Variants in STARD10 observed in about 807,000 individuals in gnomAD.
The protein encoded by STARD10 is START domain-containing protein 10.
A neutral mutation model predicts 36.0 loss-of-function variants in STARD10; 24 were observed. The ratio of observed to expected loss-of-function variants is 0.67; its 90% CI spans 0.48 to 0.94. The LOEUF is 0.94. Ranked by LOEUF, STARD10 falls within the 40% of genes least tolerant of loss-of-function variation. STARD10 has a pLI of 0.00. For missense variants in STARD10, 335 were observed against 396.6 expected (o/e 0.84, Z 1.32); for synonymous variants, 156 against 161.9 (o/e 0.96, Z 0.28).
chr11:72,760,597 C>G (rs1858702483), intron 2 of STARD10, among the ~76,000 whole-genome samples: 1 of 152,170 alleles, frequency 6.6e-6, no homozygotes, highest in African/African-American at 2.4e-5. Flanking sequence ...CCAAGGACAC[C>G]TTGTTTTATT....
chr11:72,769,791 C>T (rs1345674897), intron 2 of STARD10, among the ~76,000 whole-genome samples: 1 of 152,198 alleles, frequency 6.6e-6, no homozygotes, highest in Non-Finnish European at 1.5e-5. Context: ...TGGAGAACCA[C>T]CTGAACACTA....
intron 1 of STARD10, among the ~76,000 whole-genome samples, chr11:72,786,762 T>C (rs10898875): frequency 0.33 from 50,269 of 151,474 alleles, 8,571 homozygotes; most frequent in Middle Eastern, 0.4. Flanking sequence ...CAAAGTGGAG[T>C]TGCCAGATAA....
intron 5 of STARD10, 179 bp from the exon 6 acceptor site, chr11:72,755,932 CCTCAGGCTTAG>C: frequency 1.7e-6 from 1 of 574,224 alleles, no homozygotes; most frequent in Non-Finnish European, 3.1e-6. Context: ...AGACCGAAGT[CCTCAGGCTTAG>C]CTCTGTCCCC....
chr11:72,777,765 C>T (rs12421972), intron 2 of STARD10, among the ~76,000 whole-genome samples: 15,944 of 152,302 alleles, frequency 0.1, 957 homozygotes, highest in South Asian at 0.22. Flanking sequence ...GCCACAGTGG[C>T]TTCCAGGGAC....
At chr11:72,766,904 A>G (rs184301502) in intron 2 of STARD10, among the ~76,000 whole-genome samples, 1 of 152,146 alleles carries the variant, frequency 6.6e-6, no homozygotes. Context: ...TGCCCATGGG[A>G]TATGTGGGGC....
chr11:72,754,779 C>T lies in STARD10; in HGVS notation c.*118G>A. ...GCTCTGTCCAGCCAGGCTGCAGCACCCGCCTGGGCCTGGCCCGGTGCCACC... is the reference window on the plus strand; with the variant it reads ...GCTCTGTCCAGCCAGGCTGCAGCACTCGCCTGGGCCTGGCCCGGTGCCACC... On this transcript the variant is annotated 3_prime_UTR_variant, in exon 7 of 7. Coordinates refer to ENST00000334805, the MANE Select transcript of STARD10 (RefSeq NM_006645.3). 2 of 1,447,668 alleles carry T rather than the reference C, an allele frequency of 1.4e-6. No individual in the cohort carries two copies. Among genetic ancestry groups the T allele is most frequent in the South Asian group, 2.5e-5 (2 of 80,780 alleles). The allele number at this position is 1,447,668 out of a possible 1,614,324, so 89.7% of individuals were successfully genotyped here. A position where few individuals can be genotyped will look rare whatever the true frequency, so the allele number is the denominator to read the frequency against.
chr11:72,779,283 C>G lies in STARD10; in HGVS notation c.207+1692G>C, dbSNP rs139992054. Among the ~76,000 whole-genome samples, 129 of 152,322 alleles carry G rather than the reference C, an allele frequency of 8.5e-4. 1 individual carries two copies. In the East Asian group the frequency reaches 0.021, roughly 25 times the overall value. On this transcript the variant is annotated intron_variant, in intron 2 of 6. Transcript: ENST00000334805. ...TTTGTTCCTTGGTTCTTTCCTCCCC[C>G]CTCTCTTCCACCAATATCCCTGCTC...
At chr11:72,761,770 T>G (rs952366689) in intron 2 of STARD10, among the ~76,000 whole-genome samples, 12 of 151,342 alleles carry the variant, frequency 7.9e-5, no homozygotes, top group African/African-American at 2.9e-4. Flanking sequence ...AAAAGCAGCA[T>G]AACCTCAATT....
At position 72,776,801 on chromosome 11, in the gene STARD10, G is replaced by A. The variant is rs1392821141; in HGVS notation, c.207+4174C>T. Among the ~76,000 whole-genome samples the A allele has an allele frequency of 7.2e-5, 11 of 152,296 alleles. No homozygotes were observed. The South Asian group carries it at 2.3e-3, about 32-fold the overall frequency. On this transcript the variant is annotated intron_variant, in intron 2 of 6. Transcript: ENST00000334805. Reference sequence around the variant, plus strand: ...TGAGCCATCTGGCATTTCATAGGGTGAGAGGGTGAGGTGCTGAGGGGTCAT... The same window carrying A: ...TGAGCCATCTGGCATTTCATAGGGTAAGAGGGTGAGGTGCTGAGGGGTCAT...
At position 72,759,841 on chromosome 11, in the gene STARD10, G is replaced by A. The variant is rs572069570; in HGVS notation, c.208-460C>T. Among the ~76,000 whole-genome samples the A allele has an allele frequency of 3.9e-5, 6 of 152,284 alleles. 1 individual carries two copies. The highest frequency in any genetic ancestry group is 3.9e-4 in the East Asian group (2 of 5,192). On this transcript the variant is annotated intron_variant, in intron 2 of 6. Coordinates refer to ENST00000334805, the MANE Select transcript of STARD10 (RefSeq NM_006645.3). ...TTATTTCCTCCCTGGTACTTATCAC[G>A]CGGCCATACCACCTGTCCTCTTATT...
At chr11:72,755,225 A>G (rs937273837) in intron 6 of STARD10, 83 bp from the exon 7 acceptor site, 3 of 1,474,570 alleles carry the variant, frequency 2.0e-6, no homozygotes, top group Non-Finnish European at 2.7e-6. Flanking sequence ...CTCAGCCCCC[A>G]GCATCCTGAC....
intron 2 of STARD10, among the ~76,000 whole-genome samples, chr11:72,771,051 C>A (rs934941604): frequency 2.0e-5 from 3 of 152,210 alleles, no homozygotes; most frequent in Non-Finnish European, 4.4e-5. Flanking sequence ...TCACTGAATT[C>A]TATCCTCTCA....
At position 72,770,861 on chromosome 11, in the gene STARD10, C is replaced by T. The variant is rs551420392; in HGVS notation, c.207+10114G>A. ...GCCTGAGAACTAGAAACGGCATGGACTGGTTGGGGGAAGGAGAAGGATCAA... is the reference window on the plus strand; with the variant it reads ...GCCTGAGAACTAGAAACGGCATGGATTGGTTGGGGGAAGGAGAAGGATCAA... On this transcript the variant is annotated intron_variant, in intron 2 of 6. Transcript: ENST00000334805. 3.4e-4 allele frequency among the ~76,000 whole-genome samples: 52 copies of T among 152,198 alleles called. 1 individual carries two copies. In the South Asian group the frequency reaches 1.0e-2, roughly 29 times the overall value.
intron 2 of STARD10, among the ~76,000 whole-genome samples, chr11:72,775,445 C>G (rs1465148397): frequency 6.6e-6 from 1 of 152,146 alleles, no homozygotes; most frequent in Admixed American, 6.5e-5. Flanking sequence ...AGTTCTGAGC[C>G]TGCACTGAAC....
chr11:72,773,574 G>A (rs1348820330), intron 2 of STARD10, among the ~76,000 whole-genome samples: 1 of 152,182 alleles, frequency 6.6e-6, no homozygotes, highest in Non-Finnish European at 1.5e-5. Flanking sequence ...CTTCAACACA[G>A]ATTGACTGAC....
chr11:72,778,451 T>C (rs956343582), intron 2 of STARD10, among the ~76,000 whole-genome samples: 9 of 152,314 alleles, frequency 5.9e-5, no homozygotes, highest in African/African-American at 2.2e-4. Context: ...CCTGCAATCT[T>C]GGGGATGGGA....
At chr11:72,786,168 A>G (rs1025920329) in intron 1 of STARD10, among the ~76,000 whole-genome samples, 2 of 152,174 alleles carry the variant, frequency 1.3e-5, no homozygotes, top group Admixed American at 6.5e-5. Context: ...GCTGGGTAAC[A>G]TGGTGAAACC....
intron 2 of STARD10, among the ~76,000 whole-genome samples, chr11:72,764,940 G>GC (rs1250814387): frequency 6.6e-6 from 1 of 152,206 alleles, no homozygotes; most frequent in Non-Finnish European, 1.5e-5. Flanking sequence ...CCTGGTGACA[G>GC]CAGGGACCCC....
chr11:72,784,270 C>T (rs550377888), intron 1 of STARD10, among the ~76,000 whole-genome samples: 2 of 152,296 alleles, frequency 1.3e-5, no homozygotes, highest in Admixed American at 6.5e-5. Context: ...GGAGAGGAGT[C>T]TGGGGAGGAC....
Sources: gnomAD v4.1 joint callset for allele counts (sites outside exome capture counted in the v4.1 genomes callset) on GRCh38, gnomAD v4.1.1 for gene constraint, MANE v1.5 for transcripts, NCBI Gene and HGNC (gene_info 2026-07-23, HGNC 2026-07-21) for gene names.